CHST8: variants seen among roughly 807,000 people sequenced by gnomAD.
CHST8 encodes the protein carbohydrate sulfotransferase 8, also known as GALNAC-4-ST1.
In CHST8, 10 loss-of-function variants were observed where a neutral mutation model predicts 15.0. The ratio of observed to expected loss-of-function variants is 0.67; its 90% CI spans 0.41 to 1.13. The LOEUF (loss-of-function observed/expected upper bound fraction) is 1.13, where lower values mean the gene tolerates loss of function less well. Ranked by LOEUF, CHST8 falls within the 50% of genes most tolerant of loss-of-function variation. CHST8 has a pLI of 0.00. For missense variants in CHST8, 634 were observed against 608.2 expected (o/e 1.04, Z -0.45); for synonymous variants, 259 against 256.6 (o/e 1.01, Z -0.09).
In CHST8 at chr19:33,689,344, T is replaced by A; in HGVS notation, c.83T>A (p.Phe28Tyr). Reference protein sequence around the residue: ...LLFGAAGLLLFISLQDPTELA... With the variant: ...LLFGAAGLLLYISLQDPTELA... ...TTCGGAGCTGCAGGCCTCCTCCTCT[T>A]CATCAGCCTGCAGGACCCTACGGAG... Residue 28 changes from phenylalanine to tyrosine, a missense_variant, in exon 3 of 5, where the codon TTC becomes TAC. Phe to Tyr is a conservative substitution (Grantham distance 22). Transcript: ENST00000650847. 1.2e-6 allele frequency: 2 copies of A among 1,609,136 alleles called. No individual in the cohort carries two copies. Among genetic ancestry groups the A allele is most frequent in the Non-Finnish European group, 1.7e-6 (2 of 1,178,722 alleles).
In CHST8 at chr19:33,683,353, G is replaced by A. The variant is rs76127058; in HGVS notation, c.-86-5823G>A. On this transcript the variant is annotated intron_variant, in intron 2 of 4. Coordinates refer to ENST00000650847, the MANE Select transcript of CHST8 (RefSeq NM_001127895.2). Reference sequence around the variant, plus strand: ...GGAGAATCAACATTTGTCTTTAAAAGTGTATTTGTCTTCAAGCTCTGTGAT... The same window carrying A: ...GGAGAATCAACATTTGTCTTTAAAAATGTATTTGTCTTCAAGCTCTGTGAT... Among the ~76,000 whole-genome samples, 1,087 of 152,286 alleles carry A rather than the reference G, an allele frequency of 7.1e-3. 11 individuals are homozygous for A. Among genetic ancestry groups the A allele is most frequent in the African/African-American group, 0.025 (1,044 of 41,554 alleles).
intron 3 of CHST8, among the ~76,000 whole-genome samples, chr19:33,754,220 C>A (rs894830818): frequency 6.7e-6 from 1 of 149,374 alleles, no homozygotes; most frequent in Non-Finnish European, 1.5e-5. Context: ...GTGGTACAAA[C>A]CCCCTCCTCA....
At chr19:33,714,778 C>T (rs2145299768) in intron 3 of CHST8, among the ~76,000 whole-genome samples, 1 of 152,336 alleles carries the variant, frequency 6.6e-6, no homozygotes, top group African/African-American at 2.4e-5. Flanking sequence ...GAATTTCCCA[C>T]ACAGTCTCTC....
intron 3 of CHST8, among the ~76,000 whole-genome samples, chr19:33,743,421 C>T (rs1050071509): frequency 4.0e-5 from 6 of 151,756 alleles, no homozygotes; most frequent in African/African-American, 1.5e-4. Flanking sequence ...CCTGCCTCAG[C>T]CTCCCGAGTA....
intron 3 of CHST8, among the ~76,000 whole-genome samples, chr19:33,749,744 G>A (rs577521383): frequency 6.6e-6 from 1 of 152,260 alleles, no homozygotes; most frequent in South Asian, 2.1e-4. Flanking sequence ...CCTCCCTGAG[G>A]CCCCAGGCTG....
intron 3 of CHST8, among the ~76,000 whole-genome samples, chr19:33,719,328 C>T (rs1973734360): frequency 6.6e-6 from 1 of 152,178 alleles, no homozygotes; most frequent in Non-Finnish European, 1.5e-5. Flanking sequence ...TGTGTGTTCA[C>T]TCCTGGTGGA....
chr19:33,695,881 G>A (rs1039535623), intron 3 of CHST8, among the ~76,000 whole-genome samples: 4 of 136,004 alleles, frequency 2.9e-5, no homozygotes, highest in Admixed American at 7.9e-5. Context: ...GCTGGAGTAC[G>A]GTGGTGTAAT....
At chr19:33,724,448 C>T (rs754294784) in intron 3 of CHST8, among the ~76,000 whole-genome samples, 1 of 152,212 alleles carries the variant, frequency 6.6e-6, no homozygotes, top group Non-Finnish European at 1.5e-5. Flanking sequence ...GCCAAGGAGC[C>T]GTAAGCAGTT....
intron 2 of CHST8, among the ~76,000 whole-genome samples, chr19:33,677,574 G>T (rs1400043762): frequency 6.6e-6 from 1 of 152,166 alleles, no homozygotes; most frequent in Admixed American, 6.5e-5. Context: ...TCCACCCCAG[G>T]GCAGCATCCC....
chr19:33,650,568 G>A (rs937360753), intron 1 of CHST8, among the ~76,000 whole-genome samples: 2 of 97,772 alleles, frequency 2.0e-5, no homozygotes, highest in African/African-American at 7.8e-5. Context: ...CTCTCACTCT[G>A]TCGTCCAGGC....
chr19:33,655,110 C>T (rs764844033), intron 1 of CHST8, among the ~76,000 whole-genome samples: 3 of 152,162 alleles, frequency 2.0e-5, no homozygotes, highest in Non-Finnish European at 4.4e-5. Flanking sequence ...GATCTCAGCT[C>T]ACTGCAGCCT....
At chr19:33,694,696 C>T (rs1443690947) in intron 3 of CHST8, among the ~76,000 whole-genome samples, 1 of 152,156 alleles carries the variant, frequency 6.6e-6, no homozygotes, top group African/African-American at 2.4e-5. Flanking sequence ...TCTCATGTCT[C>T]AACCTCCCAA....
intron 2 of CHST8, among the ~76,000 whole-genome samples, chr19:33,687,362 CAT>C (rs1164688734): frequency 5.3e-5 from 8 of 152,232 alleles, no homozygotes; most frequent in African/African-American, 1.9e-4. Flanking sequence ...CTTGGGGACA[CAT>C]GAGTGTCCAT....
intron 3 of CHST8, among the ~76,000 whole-genome samples, chr19:33,761,639 C>CATAT (rs377389269): frequency 2.0e-5 from 3 of 150,302 alleles, no homozygotes; most frequent in African/African-American, 7.3e-5. Flanking sequence ...CCAAAATATA[C>CATAT]ATATATATAT....
At chr19:33,676,641 T>G (rs1972813242) in intron 2 of CHST8, among the ~76,000 whole-genome samples, 1 of 152,088 alleles carries the variant, frequency 6.6e-6, no homozygotes, top group Non-Finnish European at 1.5e-5. Flanking sequence ...TTTAGGAGGC[T>G]GAGGCGGAAG....
intron 3 of CHST8, among the ~76,000 whole-genome samples, chr19:33,730,170 A>T (rs558823909): frequency 2.6e-5 from 4 of 152,186 alleles, no homozygotes; most frequent in African/African-American, 7.2e-5. Flanking sequence ...ATGCTTAATT[A>T]TAACTATATT....
At position 33,666,086 on chromosome 19, in the gene CHST8, T is replaced by C. The variant is rs115825356; in HGVS notation, c.-163-1681T>C. On this transcript the variant is annotated intron_variant, in intron 1 of 4. Coordinates refer to ENST00000650847, the MANE Select transcript of CHST8 (RefSeq NM_001127895.2). ...CTTGGGGCCTGAGAAAGAAGCAACG[T>C]TGGCTGCACAACAGGAAAGGCCCAT... Among the ~76,000 whole-genome samples the C allele has an allele frequency of 6.8e-4, 103 of 152,298 alleles. 1 individual carries two copies. The highest frequency in any genetic ancestry group is 2.3e-3 in the African/African-American group (95 of 41,576).
At chr19:33,693,162 A>T (rs1434968451) in intron 3 of CHST8, among the ~76,000 whole-genome samples, 2 of 150,806 alleles carry the variant, frequency 1.3e-5, no homozygotes, top group Non-Finnish European at 3.0e-5. Flanking sequence ...ATGCACCACC[A>T]CCCCTGGCTA....
intron 1 of CHST8, among the ~76,000 whole-genome samples, chr19:33,638,343 G>C (rs550775374): frequency 1.9e-4 from 29 of 152,236 alleles, no homozygotes; most frequent in Non-Finnish European, 8.8e-5. Context: ...TTGCAGGTGG[G>C]GGCAAAGCAT....
Sources: allele counts gnomAD v4.1 joint callset (sites outside exome capture counted in the v4.1 genomes callset), GRCh38; gene constraint gnomAD v4.1.1; transcripts MANE v1.5; gene names NCBI Gene and HGNC (gene_info 2026-07-23, HGNC 2026-07-21).